Variants in ATRN observed in about 807,000 individuals in gnomAD.
The protein encoded by ATRN is attractin-2.
A neutral mutation model predicts 178.7 loss-of-function variants in ATRN; 54 were observed. The observed-to-expected ratio is 0.30, with a 90% CI of 0.24 to 0.38. ATRN has a LOEUF of 0.38. Ranked by LOEUF, ATRN falls within the 10% of genes least tolerant of loss-of-function variation. The pLI is 1.00. For missense variants in ATRN, 1,443 were observed against 1,815.1 expected, an observed-to-expected ratio of 0.79 and a Z score of 3.73; for synonymous variants, 636 against 663.0, an observed-to-expected ratio of 0.96 and a Z score of 0.63.
chr20:3,489,534 G>A, intron 1 of ATRN: 5 of 1,440,260 alleles, frequency 3.5e-6, no homozygotes, highest in Non-Finnish European at 4.9e-6. Context: ...GAGCACTAGA[G>A]CAGTCCTTGT....
chr20:3,598,724 T>G (rs536146854), intron 22 of ATRN, among the ~76,000 whole-genome samples: 11 of 152,322 alleles, frequency 7.2e-5, no homozygotes, highest in South Asian at 2.1e-4. Context: ...GTTTCTTCAA[T>G]GAAATATAAA....
chr20:3,616,359 TC>T (rs1376461353), intron 24 of ATRN, among the ~76,000 whole-genome samples: 2 of 152,092 alleles, frequency 1.3e-5, no homozygotes, highest in Non-Finnish European at 2.9e-5. Flanking sequence ...AGCAGGCACC[TC>T]GTTAGAAGCT....
chr20:3,605,137 C>G (rs1352454644), intron 24 of ATRN, among the ~76,000 whole-genome samples: 1 of 152,098 alleles, frequency 6.6e-6, no homozygotes, highest in Non-Finnish European at 1.5e-5. Context: ...AAGCAAGTCA[C>G]CACAAACATA....
chr20:3,519,576 A>T (rs2085259873), intron 1 of ATRN, among the ~76,000 whole-genome samples: 1 of 152,128 alleles, frequency 6.6e-6, no homozygotes, highest in South Asian at 2.1e-4. Context: ...GAATAATATG[A>T]CTTCCAGAAG....
intron 1 of ATRN, among the ~76,000 whole-genome samples, chr20:3,527,682 C>T (rs945696077): frequency 4.6e-5 from 7 of 152,096 alleles, no homozygotes; most frequent in Non-Finnish European, 1.5e-5. Context: ...AAATGCCCAT[C>T]GATGATAGAC....
At chr20:3,499,549 T>C (rs2146104641) in intron 1 of ATRN, among the ~76,000 whole-genome samples, 1 of 151,876 alleles carries the variant, frequency 6.6e-6, no homozygotes, top group Admixed American at 6.5e-5. Context: ...AACTATCTGA[T>C]CTTTGACAAA....
At chr20:3,608,554 T>G (rs973849580) in intron 24 of ATRN, among the ~76,000 whole-genome samples, 2 of 152,224 alleles carry the variant, frequency 1.3e-5, no homozygotes, top group Admixed American at 1.3e-4. Flanking sequence ...TTTATTTTGT[T>G]CCACTGGTCC....
chr20:3,641,347 T>G (rs1351070416), intron 27 of ATRN, among the ~76,000 whole-genome samples: 3 of 151,944 alleles, frequency 2.0e-5, no homozygotes, highest in African/African-American at 2.4e-5. Flanking sequence ...TCCGAGCACT[T>G]TGGGAGGCCG....
intron 8 of ATRN, among the ~76,000 whole-genome samples, chr20:3,561,289 C>T (rs139373218): frequency 2.0e-5 from 3 of 152,304 alleles, no homozygotes; most frequent in Admixed American, 1.3e-4. Context: ...CACCACTGCA[C>T]TCCAGCCTGG....
At chr20:3,642,457 C>T (rs1206919028) in intron 27 of ATRN, among the ~76,000 whole-genome samples, 2 of 152,228 alleles carry the variant, frequency 1.3e-5, no homozygotes, top group Non-Finnish European at 2.9e-5. Flanking sequence ...TTGACTCATT[C>T]TTGATGTCAT....
At chr20:3,623,196 C>CT (rs1036411846) in intron 24 of ATRN, among the ~76,000 whole-genome samples, 5 of 152,152 alleles carry the variant, frequency 3.3e-5, no homozygotes, top group Non-Finnish European at 7.3e-5. Context: ...TTATCTAAAA[C>CT]TTTTATGTGA....
intron 5 of ATRN, among the ~76,000 whole-genome samples, chr20:3,547,905 T>G (rs971091105): frequency 1.2e-4 from 18 of 152,124 alleles, no homozygotes; most frequent in African/African-American, 4.3e-4. Context: ...CAGAAATAAT[T>G]AAAGAAGCTT....
chr20:3,553,155 G>A (rs6107309), intron 6 of ATRN, among the ~76,000 whole-genome samples: 7,185 of 151,908 alleles, frequency 0.047, 513 homozygotes, highest in African/African-American at 0.16. Flanking sequence ...CTCTAGTGCT[G>A]CCACCATGAG....
chr20:3,511,311 T>G (rs1179323148), intron 1 of ATRN, among the ~76,000 whole-genome samples: 2 of 152,064 alleles, frequency 1.3e-5, no homozygotes, highest in Non-Finnish European at 2.9e-5. Context: ...CTAATAAAAC[T>G]GATCAACTGC....
intron 1 of ATRN, among the ~76,000 whole-genome samples, chr20:3,509,369 G>C (rs1239483015): frequency 6.6e-6 from 1 of 152,128 alleles, no homozygotes; most frequent in African/African-American, 2.4e-5. Flanking sequence ...ATTGCTAGAG[G>C]CAAAATAGTA....
At chr20:3,586,120 A>G (rs1168702790) in intron 18 of ATRN, among the ~76,000 whole-genome samples, 3 of 152,238 alleles carry the variant, frequency 2.0e-5, no homozygotes, top group Non-Finnish European at 2.9e-5. Flanking sequence ...TTATAGCATC[A>G]TTCTTCATAG....
intron 24 of ATRN, among the ~76,000 whole-genome samples, chr20:3,609,710 ATGTATGTG>A (rs1227405234): frequency 3.4e-5 from 4 of 117,198 alleles, no homozygotes; most frequent in African/African-American, 1.1e-4. Context: ...TGTGGTATGT[ATGTATGTG>A]TGTGTGTGTG....
chr20:3,631,648 C>T (rs1401485242), intron 25 of ATRN, among the ~76,000 whole-genome samples: 1 of 152,112 alleles, frequency 6.6e-6, no homozygotes, highest in Non-Finnish European at 1.5e-5. Flanking sequence ...CAGAAGGGCC[C>T]TCTCACCTTC....
chr20:3,551,863 A>AGT (rs1465453963), intron 6 of ATRN, among the ~76,000 whole-genome samples: 1 of 152,178 alleles, frequency 6.6e-6, no homozygotes, highest in African/African-American at 2.4e-5. Context: ...TCTTTTCTGT[A>AGT]GATCAGTGCT....
Sources: gnomAD v4.1 joint callset for allele counts (sites outside exome capture counted in the v4.1 genomes callset) on GRCh38, gnomAD v4.1.1 for gene constraint, MANE v1.5 for transcripts, NCBI Gene and HGNC (gene_info 2026-07-23, HGNC 2026-07-21) for gene names.